SAXO1: variants seen among roughly 807,000 people sequenced by gnomAD.
SAXO1 encodes the protein 4930500O09Rik.
Under a neutral mutation model 17.5 loss-of-function variants are expected in SAXO1, and 21 were observed. The observed-to-expected ratio is 1.20, with a 90% CI of 0.85 to 1.72. SAXO1 has a LOEUF of 1.72. Among genes scored for constraint, SAXO1 ranks in the 40% most tolerant of loss-of-function variants. SAXO1 has a pLI of 0.00. For missense variants in SAXO1, 843 were observed against 596.0 expected, an observed-to-expected ratio of 1.41 and a Z score of -4.32; for synonymous variants, 274 against 216.5, an observed-to-expected ratio of 1.27 and a Z score of -2.33.
chr9:19,008,591 C>G lies in SAXO1; in HGVS notation c.38+24280G>C, dbSNP rs193196781. Among the ~76,000 whole-genome samples the G allele has an allele frequency of 3.1e-4, 47 of 152,192 alleles. No individual in the cohort carries two copies. The East Asian group carries it at 8.3e-3, about 27-fold the overall frequency. Reference sequence around the variant, plus strand: ...GATTGAGGCAGAAAATGCTAGATACCTACCCGAATATTTATCTTCCTCTTT... The same window carrying G: ...GATTGAGGCAGAAAATGCTAGATACGTACCCGAATATTTATCTTCCTCTTT... On this transcript the variant is annotated intron_variant, in intron 1 of 3. Transcript: ENST00000380534.
intron 1 of SAXO1, among the ~76,000 whole-genome samples, chr9:18,971,876 C>G (rs138232453): frequency 3.9e-5 from 6 of 152,246 alleles, no homozygotes. Context: ...AAATATAGCA[C>G]TGTAAAATGT....
At chr9:18,999,448 GC>G (rs1234143415) in intron 1 of SAXO1, among the ~76,000 whole-genome samples, 11 of 151,950 alleles carry the variant, frequency 7.2e-5, no homozygotes, top group Admixed American at 3.3e-4. Context: ...CCTCCACCCG[GC>G]TGCCCCACCA....
chr9:19,013,114 C>G (rs1252961601), intron 1 of SAXO1, among the ~76,000 whole-genome samples: 1 of 152,078 alleles, frequency 6.6e-6, no homozygotes, highest in African/African-American at 2.4e-5. Context: ...CCAGATAGAT[C>G]CTGGAGGGGA....
rs182823721 is a variant in SAXO1, at chr9:19,026,973, C to T, written c.38+5898G>A. 1.6e-4 allele frequency: 146 copies of T among 906,980 alleles called. 1 individual carries two copies. Among genetic ancestry groups the T allele is most frequent in the Admixed American group, 3.1e-4 (18 of 57,954 alleles). The allele number at this position is 906,980 out of a possible 1,614,324, so 56.2% of individuals were successfully genotyped here. On this transcript the variant is annotated intron_variant, in intron 1 of 3. Coordinates refer to ENST00000380534, the MANE Select transcript of SAXO1 (RefSeq NM_153707.4). ...CATGTCCACGGAGGAGATCATCCAG[C>T]GCACATGGCTTCTGGACAGTGAGAT...
intron 3 of SAXO1, among the ~76,000 whole-genome samples, chr9:18,931,128 T>C (rs1258577437): frequency 1.3e-5 from 2 of 152,186 alleles, no homozygotes; most frequent in African/African-American, 4.8e-5. Context: ...TTATAGAGTA[T>C]TTGCATCATG....
chr9:18,962,439 A>G (rs6475282), intron 1 of SAXO1, among the ~76,000 whole-genome samples: 124,281 of 152,202 alleles, frequency 0.82, 50,965 homozygotes, highest in African/African-American at 0.88. Flanking sequence ...GGCCGCATAC[A>G]TGTCTTCTTT....
chr9:18,988,112 C>A lies in SAXO1; in HGVS notation c.39-37175G>T, dbSNP rs1339350369. On this transcript the variant is annotated intron_variant, in intron 1 of 3. Transcript: ENST00000380534. ...CTACAGAGAAAACAGCAGGCCCTTA[C>A]AGCTTATTTGAAAAAGCACAGAATG... Among the ~76,000 whole-genome samples, 31 of 152,160 alleles carry A rather than the reference C, an allele frequency of 2.0e-4. 1 individual carries two copies. Among genetic ancestry groups the A allele is most frequent in the Admixed American group, 2.0e-3 (31 of 15,278 alleles).
chr9:18,995,198 C>G (rs1316059748), intron 1 of SAXO1, among the ~76,000 whole-genome samples: 1 of 152,136 alleles, frequency 6.6e-6, no homozygotes, highest in Non-Finnish European at 1.5e-5. Flanking sequence ...GTCTAAAAAC[C>G]TAACCTAATG....
chr9:18,992,397 G>A (rs1014259136), intron 1 of SAXO1, among the ~76,000 whole-genome samples: 4 of 152,166 alleles, frequency 2.6e-5, no homozygotes, highest in African/African-American at 9.7e-5. Context: ...GTCTGTCTTA[G>A]TGTCCAAATT....
At chr9:18,992,575 C>A (rs1327192384) in intron 1 of SAXO1, among the ~76,000 whole-genome samples, 1 of 152,116 alleles carries the variant, frequency 6.6e-6, no homozygotes, top group African/African-American at 2.4e-5. Context: ...ATCCATAACA[C>A]ACAGCTAGGA....
At chr9:19,001,643 G>T (rs1177957478) in intron 1 of SAXO1, among the ~76,000 whole-genome samples, 2 of 147,116 alleles carry the variant, frequency 1.4e-5, no homozygotes, top group Non-Finnish European at 3.0e-5. Flanking sequence ...TCTAGCCTGG[G>T]CAACAGAGCA....
intron 2 of SAXO1, among the ~76,000 whole-genome samples, chr9:18,943,995 C>T (rs541856418): frequency 1.4e-4 from 22 of 152,346 alleles, no homozygotes; most frequent in African/African-American, 4.8e-4. Context: ...AACTAAAGCA[C>T]GCTTATTGCG....
rs1830835063 is a variant in SAXO1, at chr9:18,927,975, T to C, written c.*77A>G. ...TGTTTTTTGTCATTTTAGGGAATTCTTTTTTGTCCAACAAATAATTCTCAG... is the reference window on the plus strand; with the variant it reads ...TGTTTTTTGTCATTTTAGGGAATTCCTTTTTGTCCAACAAATAATTCTCAG... On this transcript the variant is annotated 3_prime_UTR_variant, in exon 4 of 4. Coordinates refer to ENST00000380534, the MANE Select transcript of SAXO1 (RefSeq NM_153707.4). 2.8e-6 allele frequency: 4 copies of C among 1,440,968 alleles called. No individual in the cohort carries two copies. The South Asian group carries it at 5.0e-5, about 18-fold the overall frequency. The allele number at this position is 1,440,968 out of a possible 1,614,324, so 89.3% of individuals were successfully genotyped here.
chr9:19,020,901 G>A (rs1835204484), intron 1 of SAXO1, among the ~76,000 whole-genome samples: 1 of 152,176 alleles, frequency 6.6e-6, no homozygotes, highest in African/African-American at 2.4e-5. Context: ...CTTCTGGCCT[G>A]CTTGTTCAAT....
chr9:19,028,154 G>T, intron 1 of SAXO1: 1 of 1,515,534 alleles, frequency 6.6e-7, no homozygotes, highest in South Asian at 1.1e-5. Flanking sequence ...GGCCAGCCCC[G>T]GACTCGCGGC....
In SAXO1 at chr9:18,929,009, CAG is replaced by C. The variant is rs1455226398; in HGVS notation, c.466_467del (p.Leu156GlyfsTer12). On this transcript the variant is annotated frameshift_variant, in exon 4 of 4. Transcript: ENST00000380534. LOFTEE classifies it low-confidence loss of function (END_TRUNC). ...CTGATGCCGGCTGGTATTTGTGTTC[CAG>C]ACGAAGTGGCTCTCGCCTTGGTTGG... ...WNQPRREPLR[L>X]EHKYQPASVR... 1.2e-6 allele frequency: 2 copies of C among 1,614,084 alleles called. No homozygotes were observed. The highest frequency in any genetic ancestry group is 2.7e-5 in the African/African-American group (2 of 74,928).
intron 1 of SAXO1, among the ~76,000 whole-genome samples, chr9:19,043,672 G>T (rs186564923): frequency 1.4e-3 from 208 of 152,174 alleles, no homozygotes; most frequent in African/African-American, 4.8e-3. Context: ...GGGCACTGAT[G>T]TGGGAGGATT....
chr9:18,944,494 A>G (rs34388457), intron 2 of SAXO1, among the ~76,000 whole-genome samples: 74,344 of 152,072 alleles, frequency 0.49, 21,060 homozygotes, highest in Non-Finnish European at 0.62. Context: ...TTTCTTTTTA[A>G]GAACACTGGA....
intron 1 of SAXO1, among the ~76,000 whole-genome samples, chr9:19,047,574 AG>A (rs57482279): frequency 0.11 from 16,070 of 152,214 alleles, 1,301 homozygotes; most frequent in African/African-American, 0.23. Flanking sequence ...ATTATCATTA[AG>A]TTTCAGAACA....
Sources: gnomAD v4.1 joint callset for allele counts (sites outside exome capture counted in the v4.1 genomes callset) on GRCh38, gnomAD v4.1.1 for gene constraint, MANE v1.5 for transcripts, NCBI Gene and HGNC (gene_info 2026-07-23, HGNC 2026-07-21) for gene names.